Variants in MID2 observed in about 807,000 individuals in gnomAD.
The protein encoded by MID2 is midline 2, also known as probable E3 ubiquitin-protein ligase MID2.
A neutral mutation model predicts 46.1 loss-of-function variants in MID2; 13 were observed. The observed-to-expected ratio is 0.28, with a 90% confidence interval of 0.18 to 0.45. The LOEUF (loss-of-function observed/expected upper bound fraction) is 0.45. Ranked by LOEUF, MID2 falls within the 20% of genes least tolerant of loss-of-function variation. The probability of loss-of-function intolerance (pLI) is 1.00; values close to 1 mark genes in which losing one functional copy is unlikely to be tolerated. For synonymous variants in MID2, 199 were observed against 212.3 expected (o/e 0.94, Z 0.55); for missense variants, 431 against 575.4 (o/e 0.75, Z 2.57).
chrX:107,904,262 T>C (rs1190210451), intron 4 of MID2, among the ~76,000 whole-genome samples, 197 bp downstream of exon 4: 2 of 111,952 alleles, frequency 1.8e-5, no homozygotes, highest in African/African-American at 6.5e-5. Flanking sequence ...AAACGTTCTA[T>C]ATCTTGACCT....
chrX:107,854,031 C>T (rs895376573), intron 2 of MID2, among the ~76,000 whole-genome samples: 4 of 111,788 alleles, frequency 3.6e-5, no homozygotes, highest in Non-Finnish European at 5.6e-5. Flanking sequence ...ACAGATGGTC[C>T]CTGACTTACC....
intron 1 of MID2, among the ~76,000 whole-genome samples, chrX:107,838,442 C>A (rs1025862119): frequency 8.9e-6 from 1 of 112,096 alleles, no homozygotes; most frequent in East Asian, 2.8e-4. Context: ...TGGCCAACAA[C>A]TTTCAAGCAC....
At chrX:107,911,595 T>G (rs1476403291) in intron 5 of MID2, among the ~76,000 whole-genome samples, 2 of 111,929 alleles carry the variant, frequency 1.8e-5, no homozygotes, top group African/African-American at 6.5e-5. Context: ...TTGTCTGGGT[T>G]TCCTCCCAGT....
intron 9 of MID2, 76 bp from the exon 10 acceptor site, chrX:107,926,595 A>G: frequency 2.1e-6 from 2 of 941,030 alleles, no homozygotes; most frequent in Non-Finnish European, 3.0e-6. Flanking sequence ...TATTTGTTAT[A>G]TATCATATAT....
At chrX:107,840,594 T>G in intron 1 of MID2, 76 bp from the exon 2 acceptor site, 5 of 815,136 alleles carry the variant, frequency 6.1e-6, no homozygotes, top group South Asian at 2.5e-5. Context: ...AACGCGCCCA[T>G]TGGTTAGTGT....
intron 3 of MID2, among the ~76,000 whole-genome samples, chrX:107,891,379 C>T (rs966371219): frequency 3.6e-4 from 38 of 106,991 alleles, no homozygotes; most frequent in African/African-American, 1.3e-3. Flanking sequence ...CTCTCAGGTT[C>T]AAGTGATTCT....
chrX:107,883,003 G>A (rs763928004), intron 3 of MID2, among the ~76,000 whole-genome samples: 22 of 111,788 alleles, frequency 2.0e-4, no homozygotes, highest in South Asian at 1.5e-3. Flanking sequence ...CATATACACC[G>A]TGGAATACTA....
chrX:107,845,525 A>ACACACACACT (rs1276957001), intron 2 of MID2, among the ~76,000 whole-genome samples: 4 of 72,944 alleles, frequency 5.5e-5, no homozygotes, highest in Admixed American at 2.8e-4. Flanking sequence ...ACACACACAC[A>ACACACACACT]CTCTCTCTCT....
Position 107,869,485 on chromosome X carries a change from T to G in MID2, c.816+14781T>G, listed in dbSNP as rs150859176. 2.3e-3 allele frequency among the ~76,000 whole-genome samples: 256 copies of G among 112,139 alleles called. 1 individual carries two copies. The highest frequency in any genetic ancestry group is 7.6e-3 in the African/African-American group (235 of 30,962). ...GAACTTTTAAATAATTTTGTATAGTTACAAAATATACTCAGTTTGGATTGT... is the reference window on the plus strand; with the variant it reads ...GAACTTTTAAATAATTTTGTATAGTGACAAAATATACTCAGTTTGGATTGT... On this transcript the variant is annotated intron_variant, in intron 3 of 9. Transcript: ENST00000262843.
rs1235267028 is a variant in MID2, at chrX:107,930,559, C to A, written c.*3486C>A. Among the ~76,000 whole-genome samples the A allele has an allele frequency of 4.5e-5, 5 of 111,932 alleles. No individual in the cohort carries two copies. In the East Asian group the frequency reaches 1.1e-3, roughly 25 times the overall value. On this transcript the variant is annotated 3_prime_UTR_variant, in exon 10 of 10. Transcript: ENST00000262843. ...GCAATGAAGTTTGACTCTGAAGTCC[C>A]AAATTCTGAGTCAAACAGTGAAAAA...
intron 3 of MID2, among the ~76,000 whole-genome samples, chrX:107,890,354 C>A (rs1055408280): frequency 4.5e-5 from 5 of 112,330 alleles, no homozygotes; most frequent in Non-Finnish European, 7.5e-5. Flanking sequence ...CCCTTAGCTG[C>A]AGGCCTGTTG....
Position 107,844,818 on chromosome X carries a change from C to T in MID2, c.720+3433C>T, listed in dbSNP as rs756114056. 3.6e-5 allele frequency among the ~76,000 whole-genome samples: 4 copies of T among 111,660 alleles called. No homozygotes were observed. In the East Asian group the frequency reaches 8.4e-4, roughly 23 times the overall value. On this transcript the variant is annotated intron_variant, in intron 2 of 9. Coordinates refer to ENST00000262843, the MANE Select transcript of MID2 (RefSeq NM_012216.4). Reference sequence around the variant, plus strand: ...TCTCTTGGCCTGTTTACAAATCCTACGTATTCTTTAATGCATAATTCAAAC... The same window carrying T: ...TCTCTTGGCCTGTTTACAAATCCTATGTATTCTTTAATGCATAATTCAAAC...
At chrX:107,905,450 A>C in intron 4 of MID2, 28 bp from the exon 5 acceptor site, 3 of 1,159,965 alleles carry the variant, frequency 2.6e-6, no homozygotes. Flanking sequence ...GTTTTATCTT[A>C]TTTTTTTCTT....
Position 107,884,684 on chromosome X carries a change from A to AAAAACAAAAC in MID2, c.817-19259_817-19250dup, listed in dbSNP as rs3060813. Among the ~76,000 whole-genome samples the AAAAACAAAAC allele has an allele frequency of 3.7e-5, 4 of 108,651 alleles. No individual in the cohort carries two copies. In the East Asian group the frequency reaches 1.1e-3, roughly 30 times the overall value. 94.4% of individuals were successfully genotyped at this position (108,651 alleles called of 115,157 possible). On this transcript the variant is annotated intron_variant, in intron 3 of 9. Transcript: ENST00000262843. The stretch of plus-strand genomic sequence containing the variant: ...AATAAATTTTAGCTACAAAGAGACC[A>AAAAACAAAAC]AAAACAAAACAAAACAAAACAAAAA...
At chrX:107,916,557 T>C (rs1402925429) in intron 6 of MID2, among the ~76,000 whole-genome samples, 1 of 112,031 alleles carries the variant, frequency 8.9e-6, no homozygotes, top group Non-Finnish European at 1.9e-5. Context: ...GTAAGAAATA[T>C]CTGGCTCTCA....
intron 7 of MID2, among the ~76,000 whole-genome samples, chrX:107,923,136 A>G (rs138743972): frequency 0.011 from 1,269 of 111,881 alleles, 14 homozygotes; most frequent in Non-Finnish European, 0.017. Context: ...AAGCCCTTTG[A>G]TCAGATCTCT....
At chrX:107,888,446 T>C (rs1192161663) in intron 3 of MID2, among the ~76,000 whole-genome samples, 1 of 112,368 alleles carries the variant, frequency 8.9e-6, no homozygotes, top group Admixed American at 9.4e-5. Context: ...TGAGTGAGTT[T>C]CTTAATCCTG....
chrX:107,898,646 C>T lies in MID2; in HGVS notation c.817-5312C>T, dbSNP rs760054160. Among the ~76,000 whole-genome samples, 15 of 112,166 alleles carry T rather than the reference C, an allele frequency of 1.3e-4. 1 individual carries two copies. Among genetic ancestry groups the T allele is most frequent in the Admixed American group, 1.2e-3 (13 of 10,556 alleles). On this transcript the variant is annotated intron_variant, in intron 3 of 9. Transcript: ENST00000262843. ...AAGGCAGAAGCTGAGTCATTTTCATCGTTATATCCCACTCAGGGAAACCCA... is the reference window on the plus strand; with the variant it reads ...AAGGCAGAAGCTGAGTCATTTTCATTGTTATATCCCACTCAGGGAAACCCA...
intron 2 of MID2, among the ~76,000 whole-genome samples, chrX:107,847,847 G>T (rs1446575222): frequency 9.0e-6 from 1 of 111,398 alleles, no homozygotes; most frequent in Non-Finnish European, 1.9e-5. Flanking sequence ...AATGACAGTG[G>T]AAGAACAGGG....
Sources: allele counts gnomAD v4.1 joint callset (sites outside exome capture counted in the v4.1 genomes callset), GRCh38; gene constraint gnomAD v4.1.1; transcripts MANE v1.5; gene names NCBI Gene and HGNC (gene_info 2026-07-23, HGNC 2026-07-21).